Variants in PDE4B observed in about 807,000 individuals in gnomAD.
PDE4B encodes phosphodiesterase 4B, also known as 3',5'-cyclic-AMP phosphodiesterase 4B.
PDE4B carries 20 observed loss-of-function variants against 82.2 expected under a neutral mutation model. That is an observed-to-expected ratio of 0.24 (90% confidence interval 0.17 to 0.35). PDE4B has a LOEUF of 0.35. Among genes scored for constraint, PDE4B ranks in the 10% least tolerant of loss-of-function variants. The probability of loss-of-function intolerance (pLI) is 1.00; values close to 1 mark genes in which losing one functional copy is unlikely to be tolerated. For missense variants in PDE4B, 655 were observed against 907.2 expected (o/e 0.72, Z 3.57); for synonymous variants, 320 against 318.9 (o/e 1.00, Z -0.04).
chr1:66,278,419 G>T (rs1293771752), intron 7 of PDE4B, among the ~76,000 whole-genome samples: 2 of 152,166 alleles, frequency 1.3e-5, no homozygotes, highest in African/African-American at 2.4e-5. Context: ...TGCACAAAAA[G>T]AAAACTGGGC....
At chr1:65,924,356 G>T (rs556899537) in intron 3 of PDE4B, among the ~76,000 whole-genome samples, 51 of 151,576 alleles carry the variant, frequency 3.4e-4, no homozygotes, top group African/African-American at 1.2e-3. Context: ...TTACAGGCGT[G>T]AGCCACCGCG....
At chr1:65,852,883 TA>T (rs1455888556) in intron 1 of PDE4B, among the ~76,000 whole-genome samples, 1 of 152,074 alleles carries the variant, frequency 6.6e-6, no homozygotes, top group Non-Finnish European at 1.5e-5. Context: ...GTACATTTTA[TA>T]AATGTCAATT....
chr1:65,848,251 G>A lies in PDE4B; in HGVS notation c.-71+55003G>A, dbSNP rs12124521. On this transcript the variant is annotated intron_variant, in intron 1 of 16. Coordinates refer to ENST00000341517, the MANE Select transcript of PDE4B (RefSeq NM_002600.4). The stretch of plus-strand genomic sequence containing the variant: ...CCTTCTGGGTTCAAGCAGTTCTCCC[G>A]CATCAGCCTCCTGAGTAGCTGAGAC... Among the ~76,000 whole-genome samples the A allele has an allele frequency of 7.5e-3, 1,137 of 151,974 alleles. 8 individuals are homozygous for A. The highest frequency in any genetic ancestry group is 0.012 in the Non-Finnish European group (824 of 67,972).
chr1:66,016,089 A>G (rs1160175173), intron 3 of PDE4B, among the ~76,000 whole-genome samples: 1 of 152,212 alleles, frequency 6.6e-6, no homozygotes, highest in East Asian at 1.9e-4. Flanking sequence ...TGGGAAAGTT[A>G]TTAAACCTCT....
chr1:65,927,385 T>C (rs1307900794), intron 3 of PDE4B, among the ~76,000 whole-genome samples: 2 of 148,708 alleles, frequency 1.3e-5, no homozygotes, highest in African/African-American at 2.5e-5. Context: ...ATACTACATG[T>C]GAAGGCAGAC....
intron 1 of PDE4B, among the ~76,000 whole-genome samples, chr1:65,897,646 G>T (rs921246110): frequency 2.0e-5 from 3 of 152,032 alleles, no homozygotes; most frequent in Non-Finnish European, 4.4e-5. Context: ...CACCCAAGTT[G>T]TTGCAAAGGA....
intron 2 of PDE4B, among the ~76,000 whole-genome samples, chr1:65,916,065 T>C (rs1398355521): frequency 1.3e-5 from 2 of 152,176 alleles, no homozygotes; most frequent in Non-Finnish European, 2.9e-5. Context: ...GTGTATAAAT[T>C]ATGGGTATGA....
chr1:66,111,345 A>G (rs982495056), intron 3 of PDE4B, among the ~76,000 whole-genome samples: 1 of 152,118 alleles, frequency 6.6e-6, no homozygotes, highest in Non-Finnish European at 1.5e-5. Flanking sequence ...TTGGGCACCC[A>G]TCATGACCAT....
intron 7 of PDE4B, among the ~76,000 whole-genome samples, chr1:66,314,969 T>C (rs970969871): frequency 6.6e-6 from 1 of 152,212 alleles, no homozygotes; most frequent in Non-Finnish European, 1.5e-5. Flanking sequence ...TTTGTGTCTA[T>C]GCACTCCTCC....
At chr1:66,100,333 G>A (rs2101018767) in intron 3 of PDE4B, among the ~76,000 whole-genome samples, 1 of 152,222 alleles carries the variant, frequency 6.6e-6, no homozygotes, top group Admixed American at 6.5e-5. Context: ...GATTACAGGT[G>A]TGAGCCACTG....
chr1:66,257,653 C>T lies in PDE4B; in HGVS notation c.483C>T (p.Gly161=), dbSNP rs571476550. 70 of 1,613,394 alleles carry T rather than the reference C, an allele frequency of 4.3e-5. No homozygotes were observed. Among genetic ancestry groups the T allele is most frequent in the African/African-American group, 3.1e-4 (23 of 75,016 alleles). ...TTTTTTCTCTTTTCACCAGACACGG[C>T]GATGACTTGATTGTAACTCCTTTTG... ...RNSSLPSEQH[G]DDLIVTPFAQ... is the part of the protein sequence containing the mutation. Residue 161 remains glycine (G), a synonymous_variant, in exon 5 of 17, where the codon GGC becomes GGT. Coordinates refer to ENST00000341517, the MANE Select transcript of PDE4B (RefSeq NM_002600.4).
chr1:66,330,915 G>GA (rs940508731), intron 7 of PDE4B: 899 of 450,540 alleles, frequency 2.0e-3, no homozygotes, highest in Middle Eastern at 5.7e-3. Flanking sequence ...TGAAGAGTGT[G>GA]AAAAAAAAAT....
intron 3 of PDE4B, among the ~76,000 whole-genome samples, chr1:66,172,198 G>A (rs765774741): frequency 1.8e-4 from 28 of 152,140 alleles, no homozygotes; most frequent in Non-Finnish European, 3.4e-4. Flanking sequence ...GAGAACATGA[G>A]GTATTTGCTT....
intron 1 of PDE4B, among the ~76,000 whole-genome samples, chr1:65,903,822 T>A (rs1050880450): frequency 7.9e-5 from 12 of 152,172 alleles, no homozygotes; most frequent in African/African-American, 2.9e-4. Context: ...GACATTTTAA[T>A]AGAGCTGGGA....
chr1:65,819,322 G>A (rs1645923480), intron 1 of PDE4B, among the ~76,000 whole-genome samples: 3 of 152,134 alleles, frequency 2.0e-5, no homozygotes, highest in Admixed American at 2.0e-4. Context: ...CTGATTCATT[G>A]TAGGTCTCAG....
intron 6 of PDE4B, among the ~76,000 whole-genome samples, chr1:66,263,656 T>C (rs1654841720): frequency 2.0e-5 from 3 of 152,132 alleles, no homozygotes; most frequent in Admixed American, 2.0e-4. Context: ...CAATATGGAC[T>C]GTAACATGAA....
chr1:65,889,208 C>G (rs544747469), intron 1 of PDE4B, among the ~76,000 whole-genome samples: 2 of 151,914 alleles, frequency 1.3e-5, no homozygotes, highest in Admixed American at 6.6e-5. Flanking sequence ...TGGTTTTGAT[C>G]CTTCATTCTT....
chr1:65,912,362 T>C (rs1647102542), intron 1 of PDE4B, among the ~76,000 whole-genome samples: 1 of 152,160 alleles, frequency 6.6e-6, no homozygotes, highest in African/African-American at 2.4e-5. Context: ...CAGTGCCCAA[T>C]AGATACTATT....
intron 3 of PDE4B, among the ~76,000 whole-genome samples, chr1:66,102,307 TC>T (rs1409772758): frequency 6.6e-6 from 1 of 152,128 alleles, no homozygotes; most frequent in Non-Finnish European, 1.5e-5. Context: ...CATCGTGTTT[TC>T]GGGGAGAATG....
Sources: gnomAD v4.1 joint callset for allele counts (sites outside exome capture counted in the v4.1 genomes callset) on GRCh38, gnomAD v4.1.1 for gene constraint, MANE v1.5 for transcripts, NCBI Gene and HGNC (gene_info 2026-07-23, HGNC 2026-07-21) for gene names.